GRID2: variants seen among roughly 807,000 people sequenced by gnomAD.
GRID2 encodes glutamate receptor ionotropic, delta-2.
GRID2 carries 33 observed loss-of-function variants against 114.8 expected under a neutral mutation model. The ratio of observed to expected loss-of-function variants is 0.29; its 90% CI spans 0.22 to 0.38. The LOEUF (loss-of-function observed/expected upper bound fraction) is 0.38, where lower values mean the gene tolerates loss of function less well. Ranked by LOEUF, GRID2 falls within the 10% of genes least tolerant of loss-of-function variation. The pLI is 1.00. For synonymous variants in GRID2, 505 were observed against 449.9 expected (o/e 1.12, Z -1.55); for missense variants, 1,184 against 1,257.7 (o/e 0.94, Z 0.89).
chr4:93,399,585 G>A (rs1765680004), intron 9 of GRID2, among the ~76,000 whole-genome samples: 1 of 152,054 alleles, frequency 6.6e-6, no homozygotes, highest in Non-Finnish European at 1.5e-5. Context: ...AGACTGATAA[G>A]GCATGGGAGG....
intron 14 of GRID2, among the ~76,000 whole-genome samples, chr4:93,738,832 AAG>A (rs1366282720): frequency 2.0e-5 from 3 of 152,132 alleles, no homozygotes; most frequent in Admixed American, 1.3e-4. Context: ...ATTATTTAGA[AAG>A]AGAGTAGAAA....
At chr4:92,647,070 A>G (rs1438296320) in intron 2 of GRID2, among the ~76,000 whole-genome samples, 11 of 152,210 alleles carry the variant, frequency 7.2e-5, no homozygotes, top group Non-Finnish European at 2.9e-5. Context: ...TTAGAGTGGG[A>G]CTGAGAGGCA....
At chr4:92,978,013 G>C (rs529096382) in intron 2 of GRID2, among the ~76,000 whole-genome samples, 1 of 152,242 alleles carries the variant, frequency 6.6e-6, no homozygotes, top group South Asian at 2.1e-4. Context: ...TGGTAGTATT[G>C]CTAGACAAAG....
chr4:93,779,111 A>G (rs547186440), downstream of GRID2, among the ~76,000 whole-genome samples: 1 of 152,092 alleles, frequency 6.6e-6, no homozygotes, highest in Non-Finnish European at 1.5e-5. Flanking sequence ...CAATGGCTCA[A>G]TCACCAATCA....
intron 13 of GRID2, among the ~76,000 whole-genome samples, chr4:93,588,149 C>T (rs144877524): frequency 1.3e-5 from 2 of 151,866 alleles, no homozygotes; most frequent in South Asian, 2.1e-4. Context: ...GTTGTACTTA[C>T]ATGTTATATG....
chr4:93,077,859 TAAA>T (rs1231169775), intron 2 of GRID2, among the ~76,000 whole-genome samples: 1 of 152,160 alleles, frequency 6.6e-6, no homozygotes, highest in African/African-American at 2.4e-5. Context: ...AAAACAGTCT[TAAA>T]AGACTGACAA....
At chr4:92,841,616 A>G (rs1308972877) in intron 2 of GRID2, among the ~76,000 whole-genome samples, 1 of 152,104 alleles carries the variant, frequency 6.6e-6, no homozygotes, top group East Asian at 1.9e-4. Flanking sequence ...CAGGTGCAGC[A>G]TTACAAGTAA....
At chr4:93,299,126 G>A (rs1379092066) in intron 8 of GRID2, among the ~76,000 whole-genome samples, 1 of 152,140 alleles carries the variant, frequency 6.6e-6, no homozygotes, top group Non-Finnish European at 1.5e-5. Flanking sequence ...ACTCTGGAAG[G>A]CAGCATAGAA....
At chr4:93,010,245 A>C (rs1352115944) in intron 2 of GRID2, among the ~76,000 whole-genome samples, 3 of 152,074 alleles carry the variant, frequency 2.0e-5, no homozygotes. Flanking sequence ...GTTTCATTCC[A>C]CCATCTTTAC....
chr4:93,205,912 T>C (rs1262031810), intron 4 of GRID2, among the ~76,000 whole-genome samples: 1 of 152,146 alleles, frequency 6.6e-6, no homozygotes, highest in African/African-American at 2.4e-5. Context: ...TGGCCAGTGA[T>C]GATGAGCATT....
intron 13 of GRID2, among the ~76,000 whole-genome samples, chr4:93,579,407 C>G (rs889812419): frequency 1.3e-5 from 2 of 152,002 alleles, no homozygotes; most frequent in Non-Finnish European, 2.9e-5. Flanking sequence ...AACTGCAAAA[C>G]TTTAGGTGAT....
intron 1 of GRID2, among the ~76,000 whole-genome samples, chr4:92,336,639 G>A (rs898466826): frequency 1.4e-4 from 22 of 152,126 alleles, no homozygotes; most frequent in African/African-American, 4.6e-4. Flanking sequence ...TGTCCCTACT[G>A]TGCTTAAAAT....
At chr4:92,311,391 C>T (rs79610780) in intron 1 of GRID2, among the ~76,000 whole-genome samples, 2,421 of 152,076 alleles carry the variant, frequency 0.016, 28 homozygotes, top group Non-Finnish European at 0.024. Context: ...GAGTTGACCC[C>T]GAAAGCTTCT....
chr4:92,739,507 A>T (rs1560564674), intron 2 of GRID2, among the ~76,000 whole-genome samples: 1 of 152,020 alleles, frequency 6.6e-6, no homozygotes, highest in Non-Finnish European at 1.5e-5. Context: ...ATTCATTAAC[A>T]CCTATATTGG....
chr4:92,726,249 C>T (rs995244130), intron 2 of GRID2, among the ~76,000 whole-genome samples: 3 of 152,110 alleles, frequency 2.0e-5, no homozygotes, highest in Non-Finnish European at 4.4e-5. Context: ...AATATATTCT[C>T]TTCTACAGAT....
chr4:92,318,915 G>A (rs1726157978), intron 1 of GRID2, among the ~76,000 whole-genome samples: 1 of 152,108 alleles, frequency 6.6e-6, no homozygotes, highest in East Asian at 1.9e-4. Context: ...CTTATTTGGT[G>A]TAGGCAGGGA....
chr4:93,578,593 T>G (rs893981523), intron 13 of GRID2, among the ~76,000 whole-genome samples: 4,002 of 132,500 alleles, frequency 0.03, 64 homozygotes, highest in South Asian at 0.05. Context: ...TTGTATTTTT[T>G]TTTTTTTTTT....
At chr4:92,548,977 A>G (rs1726433296) in intron 1 of GRID2, among the ~76,000 whole-genome samples, 1 of 152,136 alleles carries the variant, frequency 6.6e-6, no homozygotes, top group South Asian at 2.1e-4. Context: ...ACCTCCCACC[A>G]GGACCCATCT....
chr4:92,825,010 C>A (rs142924955), intron 2 of GRID2, among the ~76,000 whole-genome samples: 10 of 151,954 alleles, frequency 6.6e-5, no homozygotes, highest in African/African-American at 2.4e-4. Context: ...TAACATGTAT[C>A]CCAGAACTTA....
Sources: gnomAD v4.1 joint callset for allele counts (sites outside exome capture counted in the v4.1 genomes callset) on GRCh38, gnomAD v4.1.1 for gene constraint, MANE v1.5 for transcripts, NCBI Gene and HGNC (gene_info 2026-07-23, HGNC 2026-07-21) for gene names.